The following ADGRL3 variants were observed in gnomAD, a reference collection of about 807,000 sequenced individuals.
ADGRL3 encodes the protein adhesion G protein-coupled receptor L3.
In ADGRL3, 62 loss-of-function variants were observed where a neutral mutation model predicts 153.5. That is an observed-to-expected ratio of 0.40 (90% CI 0.33 to 0.50). ADGRL3 has a LOEUF of 0.50. Ranked by LOEUF, ADGRL3 falls within the 20% of genes least tolerant of loss-of-function variation. The probability of loss-of-function intolerance (pLI) is 0.47; values close to 1 mark genes in which losing one functional copy is unlikely to be tolerated. For missense variants in ADGRL3, 1,641 were observed against 1,859.4 expected (o/e 0.88, Z 2.16); for synonymous variants, 710 against 672.5 (o/e 1.06, Z -0.86).
intron 18 of ADGRL3, among the ~76,000 whole-genome samples, 192 bp downstream of exon 18, chr4:61,979,964 A>C (rs545588443): frequency 1.3e-5 from 2 of 152,328 alleles, no homozygotes; most frequent in East Asian, 3.9e-4. Context: ...AACTTTATGA[A>C]TAAGGTGTAT....
At chr4:61,968,578 C>T (rs954946409) in intron 17 of ADGRL3, among the ~76,000 whole-genome samples, 3 of 152,126 alleles carry the variant, frequency 2.0e-5, no homozygotes, top group African/African-American at 7.2e-5. Context: ...ATCTTGTCAG[C>T]ATATGTCTCA....
chr4:61,445,619 G>A (rs1292614155), intron 2 of ADGRL3, among the ~76,000 whole-genome samples: 1 of 152,154 alleles, frequency 6.6e-6, no homozygotes, highest in Non-Finnish European at 1.5e-5. Flanking sequence ...TGTGGTTGCT[G>A]TATTTGTACA....
intron 4 of ADGRL3, among the ~76,000 whole-genome samples, chr4:61,528,953 G>C (rs2098595282): frequency 1.3e-5 from 2 of 151,942 alleles, no homozygotes; most frequent in South Asian, 4.2e-4. Flanking sequence ...GATATAACCT[G>C]GTGAGCTACT....
chr4:61,323,957 G>A (rs529226113), intron 1 of ADGRL3, among the ~76,000 whole-genome samples: 55 of 152,270 alleles, frequency 3.6e-4, no homozygotes, highest in Non-Finnish European at 6.8e-4. Context: ...AGGTTTATTG[G>A]ACTTACAGTT....
chr4:61,364,456 C>T (rs1446447756), intron 1 of ADGRL3, among the ~76,000 whole-genome samples: 1 of 151,726 alleles, frequency 6.6e-6, no homozygotes, highest in Non-Finnish European at 1.5e-5. Context: ...GTTTGTTTTG[C>T]TTAAAAACAT....
At chr4:61,313,286 A>T (rs2095081295) in intron 1 of ADGRL3, among the ~76,000 whole-genome samples, 1 of 152,206 alleles carries the variant, frequency 6.6e-6, no homozygotes, top group African/African-American at 2.4e-5. Flanking sequence ...GGGCAGTGAG[A>T]GTACTCTATA....
chr4:61,549,856 G>A (rs1439741493), intron 4 of ADGRL3, among the ~76,000 whole-genome samples: 5 of 151,838 alleles, frequency 3.3e-5, no homozygotes, highest in African/African-American at 1.2e-4. Context: ...TATTTAAGAA[G>A]GGATAAGATT....
chr4:61,584,120 G>C (rs1469072032), intron 4 of ADGRL3, among the ~76,000 whole-genome samples: 1 of 151,722 alleles, frequency 6.6e-6, no homozygotes, highest in Non-Finnish European at 1.5e-5. Context: ...TATTAAAACA[G>C]TTAGTAACAT....
At chr4:61,436,238 G>A (rs1329630427) in intron 2 of ADGRL3, among the ~76,000 whole-genome samples, 1 of 152,012 alleles carries the variant, frequency 6.6e-6, no homozygotes, top group Non-Finnish European at 1.5e-5. Flanking sequence ...ATAAAACATT[G>A]TTCATATAGA....
intron 17 of ADGRL3, among the ~76,000 whole-genome samples, chr4:61,968,200 G>A (rs1012295136): frequency 6.6e-6 from 1 of 152,160 alleles, no homozygotes; most frequent in East Asian, 1.9e-4. Context: ...TAGTAAATAC[G>A]TGAGAAATTC....
chr4:61,780,013 A>G (rs1305878709), intron 8 of ADGRL3, among the ~76,000 whole-genome samples: 1 of 152,122 alleles, frequency 6.6e-6, no homozygotes, highest in African/African-American at 2.4e-5. Flanking sequence ...CTGGGTTTGG[A>G]AAAGAATCCC....
intron 6 of ADGRL3, among the ~76,000 whole-genome samples, chr4:61,705,895 C>G (rs1482592755): frequency 6.6e-6 from 1 of 152,138 alleles, no homozygotes; most frequent in Non-Finnish European, 1.5e-5. Context: ...AACAGATGTG[C>G]TGTTATTCGG....
chr4:61,473,128 G>T (rs990083760), intron 2 of ADGRL3, among the ~76,000 whole-genome samples: 3 of 152,006 alleles, frequency 2.0e-5, no homozygotes, highest in African/African-American at 7.2e-5. Context: ...AAGTGTGTTT[G>T]ACTTAATACA....
chr4:61,655,102 C>A (rs901247444), intron 5 of ADGRL3, among the ~76,000 whole-genome samples: 29 of 151,794 alleles, frequency 1.9e-4, no homozygotes, highest in African/African-American at 5.6e-4. Context: ...ATATTGTGTT[C>A]TTTGTGGCCA....
chr4:61,780,143 T>C (rs1307947503), intron 8 of ADGRL3, among the ~76,000 whole-genome samples: 1 of 152,250 alleles, frequency 6.6e-6, no homozygotes, highest in Admixed American at 6.5e-5. Flanking sequence ...CTTAGGCTGC[T>C]CAGGCAGTGA....
At chr4:61,611,385 C>T (rs191952864) in intron 5 of ADGRL3, among the ~76,000 whole-genome samples, 20 of 152,186 alleles carry the variant, frequency 1.3e-4, no homozygotes, top group Admixed American at 1.2e-3. Context: ...GCAGCCACTT[C>T]TCACATGCAG....
intron 4 of ADGRL3, among the ~76,000 whole-genome samples, chr4:61,577,826 A>G (rs1374684776): frequency 6.6e-6 from 1 of 151,622 alleles, no homozygotes; most frequent in African/African-American, 2.4e-5. Context: ...AAAAAAAAGA[A>G]AAAAAAAGGG....
Position 62,071,033 on chromosome 4 carries a change from C to A in ADGRL3, c.*125C>A. The A allele has an allele frequency of 5.9e-6, 5 of 846,624 alleles. No homozygotes were observed. In the South Asian group the frequency reaches 6.3e-5, roughly 11 times the overall value. The allele number at this position is 846,624 out of a possible 1,614,324, so 52.4% of individuals were successfully genotyped here. On this transcript the variant is annotated 3_prime_UTR_variant, in exon 27 of 27. Coordinates refer to ENST00000683033, the MANE Select transcript of ADGRL3 (RefSeq NM_001387552.1). ...TTATGCTGTCCTCTAAAGACAAACA[C>A]AAACTCTCAGACTTTTTTTTTTTTA...
At chr4:61,619,621 AT>A (rs750728744) in intron 5 of ADGRL3, among the ~76,000 whole-genome samples, 2 of 151,942 alleles carry the variant, frequency 1.3e-5, no homozygotes, top group Non-Finnish European at 2.9e-5. Flanking sequence ...CCTTTATGAT[AT>A]TTTTGATTCA....
Sources: gnomAD v4.1 joint callset for allele counts (sites outside exome capture counted in the v4.1 genomes callset) on GRCh38, gnomAD v4.1.1 for gene constraint, MANE v1.5 for transcripts, NCBI Gene and HGNC (gene_info 2026-07-23, HGNC 2026-07-21) for gene names.